Variants in CTNND2 observed in about 807,000 individuals in gnomAD.
The protein encoded by CTNND2 is catenin delta 2, also known as catenin delta-2.
CTNND2 carries 22 observed loss-of-function variants against 144.4 expected under a neutral mutation model. That is an observed-to-expected ratio of 0.15 (90% CI 0.11 to 0.22). The LOEUF is 0.22. CTNND2 is among the 10% of genes least tolerant of loss of function. CTNND2 has a pLI of 1.00. For synonymous variants in CTNND2, 751 were observed against 695.6 expected (o/e 1.08, Z -1.25); for missense variants, 1,353 against 1,618.8 (o/e 0.84, Z 2.82).
At chr5:11,107,793 G>A (rs895915138) in intron 14 of CTNND2, among the ~76,000 whole-genome samples, 6 of 152,160 alleles carry the variant, frequency 3.9e-5, no homozygotes, top group African/African-American at 9.7e-5. Context: ...GGAAGACTGC[G>A]GAAGACGCTT....
chr5:11,459,527 A>G (rs1766019382), intron 3 of CTNND2, among the ~76,000 whole-genome samples: 1 of 152,218 alleles, frequency 6.6e-6, no homozygotes, highest in African/African-American at 2.4e-5. Context: ...AGCACCATGT[A>G]TGGGGACAGA....
At chr5:11,575,374 A>G (rs1777899123) in intron 2 of CTNND2, among the ~76,000 whole-genome samples, 1 of 152,180 alleles carries the variant, frequency 6.6e-6, no homozygotes, top group Non-Finnish European at 1.5e-5. Flanking sequence ...ATCTGGGAAA[A>G]TCTAAAATAT....
intron 9 of CTNND2, among the ~76,000 whole-genome samples, chr5:11,309,263 A>G (rs1750564371): frequency 6.6e-6 from 1 of 152,210 alleles, no homozygotes; most frequent in Admixed American, 6.5e-5. Flanking sequence ...GAAAAGTCAC[A>G]GGCACTCAAC....
At chr5:11,317,051 A>T (rs1462586435) in intron 9 of CTNND2, among the ~76,000 whole-genome samples, 1 of 152,174 alleles carries the variant, frequency 6.6e-6, no homozygotes, top group Non-Finnish European at 1.5e-5. Context: ...TTATGCAGCC[A>T]AAAAACACTT....
intron 9 of CTNND2, among the ~76,000 whole-genome samples, chr5:11,255,653 C>T (rs1392961667): frequency 3.9e-5 from 6 of 151,986 alleles, no homozygotes; most frequent in East Asian, 1.9e-4. Flanking sequence ...GGCACAGGCA[C>T]GGTTATCATG....
intron 9 of CTNND2, among the ~76,000 whole-genome samples, chr5:11,240,141 AACAC>A (rs768870703): frequency 7.2e-6 from 1 of 139,036 alleles, no homozygotes; most frequent in African/African-American, 2.8e-5. Flanking sequence ...ACACACACCC[AACAC>A]ACACACACAT....
At chr5:11,855,436 C>T (rs1393738471) in intron 1 of CTNND2, among the ~76,000 whole-genome samples, 2 of 152,188 alleles carry the variant, frequency 1.3e-5, no homozygotes, top group African/African-American at 4.8e-5. Flanking sequence ...ACGTGCTCAA[C>T]AGAAATTCCT....
At chr5:11,121,211 T>C (rs1754106431) in intron 12 of CTNND2, among the ~76,000 whole-genome samples, 1 of 152,170 alleles carries the variant, frequency 6.6e-6, no homozygotes, top group African/African-American at 2.4e-5. Flanking sequence ...TGTTTAAAAA[T>C]AAACACCCTG....
chr5:11,117,674 C>T (rs1753701971), intron 12 of CTNND2, 107 bp from the exon 13 acceptor site: 9 of 827,886 alleles, frequency 1.1e-5, no homozygotes, highest in East Asian at 2.6e-5. Flanking sequence ...TTTTTCCCCA[C>T]TTTTTCAGAA....
At chr5:11,017,170 A>AAC (rs1741700233) in intron 18 of CTNND2, among the ~76,000 whole-genome samples, 1 of 152,116 alleles carries the variant, frequency 6.6e-6, no homozygotes, top group Non-Finnish European at 1.5e-5. Context: ...TAAAAAAAAA[A>AAC]AATTCTCCCC....
At chr5:11,488,426 G>A (rs564867650) in intron 3 of CTNND2, among the ~76,000 whole-genome samples, 12 of 152,050 alleles carry the variant, frequency 7.9e-5, no homozygotes, top group South Asian at 4.2e-4. Context: ...CTTTCACATC[G>A]TAGATAAAGA....
At chr5:11,249,618 T>C (rs190815429) in intron 9 of CTNND2, among the ~76,000 whole-genome samples, 2 of 152,292 alleles carry the variant, frequency 1.3e-5, no homozygotes, top group Admixed American at 1.3e-4. Flanking sequence ...TTAGGGACCA[T>C]CATATTTTCT....
In CTNND2 at chr5:11,552,444, G is replaced by A. The variant is rs1267353953; in HGVS notation, c.287+12500C>T. 5.5e-4 allele frequency among the ~76,000 whole-genome samples: 84 copies of A among 152,184 alleles called. 1 individual carries two copies. The highest frequency in any genetic ancestry group is 5.5e-3 in the Admixed American group (84 of 15,282). ...AAATAAATCTATAGATAATTCATCT[G>A]CTTTCCTTGAAAGTACTAAATCTCA... On this transcript the variant is annotated intron_variant, in intron 3 of 21. Transcript: ENST00000304623.
intron 9 of CTNND2, among the ~76,000 whole-genome samples, 162 bp from the exon 10 acceptor site, chr5:11,236,985 G>A (rs1010858075): frequency 6.6e-6 from 1 of 151,870 alleles, no homozygotes; most frequent in Non-Finnish European, 1.5e-5. Context: ...AGGGGATTTG[G>A]AAGAGATTCC....
intron 2 of CTNND2, among the ~76,000 whole-genome samples, chr5:11,658,176 CTTACA>C (rs1263447064): frequency 6.6e-6 from 1 of 151,864 alleles, no homozygotes; most frequent in Non-Finnish European, 1.5e-5. Context: ...GTGAAACTTA[CTTACA>C]TTATTACATC....
At chr5:11,402,009 C>G (rs1487385061) in intron 5 of CTNND2, among the ~76,000 whole-genome samples, 1 of 152,102 alleles carries the variant, frequency 6.6e-6, no homozygotes, top group Non-Finnish European at 1.5e-5. Flanking sequence ...GTCTTGAAAA[C>G]CTTATTGTAG....
At chr5:11,297,289 A>C (rs1285227510) in intron 9 of CTNND2, among the ~76,000 whole-genome samples, 1 of 152,226 alleles carries the variant, frequency 6.6e-6, no homozygotes, top group Non-Finnish European at 1.5e-5. Context: ...AGTATCAAAT[A>C]ATAACCACAA....
intron 3 of CTNND2, among the ~76,000 whole-genome samples, chr5:11,452,393 C>A (rs926633097): frequency 1.3e-5 from 2 of 152,116 alleles, no homozygotes; most frequent in Admixed American, 1.3e-4. Flanking sequence ...TTTATAATTT[C>A]TCTTAAAAGT....
Position 11,745,294 on chromosome 5 carries a change from T to C in CTNND2, c.38-13022A>G, listed in dbSNP as rs2126773656. Among the ~76,000 whole-genome samples the C allele has an allele frequency of 2.6e-5, 4 of 152,268 alleles. No individual in the cohort carries two copies. In the Middle Eastern group the frequency reaches 0.014, roughly 518 times the overall value. ...CCAAGGCATTCTCAGGAGTCTTCTT[T>C]AGATGCGCCCTTCGTGGGATACTAT... is the stretch of plus-strand genomic sequence containing the variant. On this transcript the variant is annotated intron_variant, in intron 1 of 21. Transcript: ENST00000304623.
Sources: allele counts gnomAD v4.1 joint callset (sites outside exome capture counted in the v4.1 genomes callset), GRCh38; gene constraint gnomAD v4.1.1; transcripts MANE v1.5; gene names NCBI Gene and HGNC (gene_info 2026-07-23, HGNC 2026-07-21).